The following CAMK2D variants were observed in gnomAD, a reference collection of about 807,000 sequenced individuals.
CAMK2D encodes calcium/calmodulin-dependent protein kinase type II subunit delta.
A neutral mutation model predicts 84.0 loss-of-function variants in CAMK2D; 37 were observed. The observed-to-expected ratio is 0.44, with a 90% CI of 0.34 to 0.58. The LOEUF (loss-of-function observed/expected upper bound fraction) is 0.58. Ranked by LOEUF, CAMK2D falls within the 20% of genes least tolerant of loss-of-function variation. The pLI is 0.02. For synonymous variants in CAMK2D, 202 were observed against 212.5 expected (o/e 0.95, Z 0.43); for missense variants, 448 against 652.5 (o/e 0.69, Z 3.41).
intron 16 of CAMK2D, among the ~76,000 whole-genome samples, chr4:113,489,568 T>A (rs1199815987): frequency 6.7e-6 from 1 of 149,266 alleles, no homozygotes; most frequent in Non-Finnish European, 1.5e-5. Flanking sequence ...TGGTTCCAAG[T>A]CTTTGCTATT....
chr4:113,681,105 T>C (rs996352890), intron 2 of CAMK2D, among the ~76,000 whole-genome samples: 1 of 152,224 alleles, frequency 6.6e-6, no homozygotes, highest in African/African-American at 2.4e-5. Context: ...ATTTTACTGA[T>C]AGTCATATTT....
chr4:113,541,792 T>C lies in CAMK2D; in HGVS notation c.415-4349A>G, dbSNP rs191496864. Among the ~76,000 whole-genome samples the C allele has an allele frequency of 7.4e-4, 113 of 152,268 alleles. 1 individual carries two copies. The highest frequency in any genetic ancestry group is 2.7e-3 in the African/African-American group (111 of 41,568). On this transcript the variant is annotated intron_variant, in intron 6 of 20. Transcript: ENST00000511664. ...TGCTTGGCATGTTTTCTGTCACTTA[T>C]CTTTTGCCAAAGAAGGTGCAAATGA...
chr4:113,758,369 G>A (rs1415151855), intron 2 of CAMK2D, among the ~76,000 whole-genome samples: 4 of 152,120 alleles, frequency 2.6e-5, no homozygotes, highest in African/African-American at 9.7e-5. Flanking sequence ...AATCATGGCA[G>A]AGACCGAAAG....
At chr4:113,504,898 G>T in intron 14 of CAMK2D, 78 bp downstream of exon 14, 1 of 606,888 alleles carries the variant, frequency 1.6e-6, no homozygotes, top group Non-Finnish European at 2.6e-6. Flanking sequence ...TATCTATATA[G>T]TGAAAGCAAA....
intron 3 of CAMK2D, among the ~76,000 whole-genome samples, chr4:113,653,553 C>T (rs889619999): frequency 2.6e-5 from 4 of 151,920 alleles, no homozygotes; most frequent in African/African-American, 7.2e-5. Flanking sequence ...AAAACTGCGT[C>T]GCTTTCTTAG....
chr4:113,649,032 C>A (rs1217944889), intron 3 of CAMK2D, among the ~76,000 whole-genome samples: 1 of 152,202 alleles, frequency 6.6e-6, no homozygotes, highest in Non-Finnish European at 1.5e-5. Context: ...GTCACGCAAA[C>A]TAGAAACCTC....
chr4:113,761,062 A>C lies in CAMK2D; in HGVS notation c.7T>G (p.Ser3Ala). 6.2e-7 allele frequency: 1 copy of C among 1,614,156 alleles called. No individual in the cohort carries two copies. The highest frequency in any genetic ancestry group is 1.1e-5 in the South Asian group (1 of 91,090). ...GTGAACCTGGTGCAGGTTGTGGTCG[A>C]AGCCATCCTCGGTCCGGGCTGTGCC... MA[S>A]TTTCTRFTDE... The change falls in exon 1 of 21, where the codon TCG becomes GCG. Residue 3 changes from serine to alanine, a missense_variant. Ser to Ala is a moderately conservative substitution (Grantham distance 99, BLOSUM62 1). Around this residue, in one of 7 missense-constraint regions of CAMK2D, gnomAD observed 44 missense variants for 45.6 expected, o/e 0.96. Transcript: ENST00000511664.
At chr4:113,581,579 C>T (rs7436809) in intron 4 of CAMK2D, among the ~76,000 whole-genome samples, 95,229 of 148,384 alleles carry the variant, frequency 0.64, 31,604 homozygotes, top group Middle Eastern at 0.75. Flanking sequence ...TTAACTTAGT[C>T]CTTAGAAGGT....
chr4:113,609,280 G>A (rs2098990069), intron 3 of CAMK2D, 74 bp from the exon 4 acceptor site: 2 of 789,738 alleles, frequency 2.5e-6, no homozygotes, highest in African/African-American at 1.7e-5. Flanking sequence ...ACTTCACATG[G>A]ACATATGTCT....
chr4:113,630,633 C>G lies in CAMK2D; in HGVS notation c.221-21427G>C, dbSNP rs78078439. Among the ~76,000 whole-genome samples the G allele has an allele frequency of 3.8e-3, 574 of 152,232 alleles. 5 individuals carry two copies. The highest frequency in any genetic ancestry group is 0.013 in the African/African-American group (551 of 41,544). On this transcript the variant is annotated intron_variant, in intron 3 of 20. Transcript: ENST00000511664. The stretch of plus-strand genomic sequence containing the variant: ...TGTCAACTGCCAATGCCACCAGGAC[C>G]AATGTCACTTTCATATCAAAAATTA...
At chr4:113,740,906 A>G (rs955598544) in intron 2 of CAMK2D, among the ~76,000 whole-genome samples, 2 of 152,150 alleles carry the variant, frequency 1.3e-5, no homozygotes, top group African/African-American at 4.8e-5. Flanking sequence ...AAAACTGTTA[A>G]GTGGAAAAAT....
chr4:113,584,355 G>A (rs1217749425), intron 4 of CAMK2D, among the ~76,000 whole-genome samples: 3 of 152,206 alleles, frequency 2.0e-5, no homozygotes, highest in Non-Finnish European at 4.4e-5. Flanking sequence ...GGCTGTGTGA[G>A]TTGTAGAATG....
chr4:113,607,279 C>T (rs2098981876), intron 4 of CAMK2D, among the ~76,000 whole-genome samples: 1 of 152,116 alleles, frequency 6.6e-6, no homozygotes, highest in Non-Finnish European at 1.5e-5. Context: ...ACTACGGCCA[C>T]ATGAGCAAGA....
intron 9 of CAMK2D, 97 bp from the exon 10 acceptor site, chr4:113,515,288 T>C: frequency 1.3e-6 from 1 of 755,018 alleles, no homozygotes. Flanking sequence ...AAGTAGTGAA[T>C]TTCTTCATAA....
At chr4:113,504,545 G>A (rs1178454421) in intron 14 of CAMK2D, among the ~76,000 whole-genome samples, 1 of 152,156 alleles carries the variant, frequency 6.6e-6, no homozygotes, top group African/African-American at 2.4e-5. Flanking sequence ...CTACTTTCAT[G>A]TTGTCTAGCA....
intron 2 of CAMK2D, among the ~76,000 whole-genome samples, chr4:113,717,222 T>C (rs1031704276): frequency 1.3e-5 from 2 of 152,150 alleles, no homozygotes; most frequent in East Asian, 3.8e-4. Context: ...TAGTTTATAT[T>C]TTCCAGAATT....
intron 4 of CAMK2D, among the ~76,000 whole-genome samples, chr4:113,583,125 G>A (rs1381884416): frequency 1.3e-5 from 2 of 152,172 alleles, no homozygotes; most frequent in African/African-American, 2.4e-5. Flanking sequence ...ATTTTATCTT[G>A]AGTGTTGCCC....
chr4:113,632,229 T>C (rs562798825), intron 3 of CAMK2D, among the ~76,000 whole-genome samples: 3 of 152,258 alleles, frequency 2.0e-5, no homozygotes, highest in Non-Finnish European at 4.4e-5. Flanking sequence ...ATTATCATTA[T>C]TATTATTATT....
At chr4:113,505,990 A>C (rs993314753) in intron 13 of CAMK2D, among the ~76,000 whole-genome samples, 2 of 152,198 alleles carry the variant, frequency 1.3e-5, no homozygotes, top group Non-Finnish European at 2.9e-5. Flanking sequence ...GTTCTCAAAC[A>C]AAAATGTAAG....
Sources: allele counts gnomAD v4.1 joint callset (sites outside exome capture counted in the v4.1 genomes callset), GRCh38; gene constraint gnomAD v4.1.1; regional missense constraint gnomAD v4.1.1; transcripts MANE v1.5; gene names NCBI Gene and HGNC (gene_info 2026-07-23, HGNC 2026-07-21).